Variants in ROBO1 observed in about 807,000 individuals in gnomAD.
ROBO1 encodes roundabout homolog 1.
Under a neutral mutation model 195.9 loss-of-function variants are expected in ROBO1, and 149 were observed. The ratio of observed to expected loss-of-function variants is 0.76; its 90% CI spans 0.67 to 0.87. The LOEUF (loss-of-function observed/expected upper bound fraction) is 0.87, where lower values mean the gene tolerates loss of function less well. ROBO1 is among the 40% of genes least tolerant of loss of function. ROBO1 has a pLI of 0.00. For missense variants in ROBO1, 1,933 were observed against 2,068.3 expected, an observed-to-expected ratio of 0.93 and a Z score of 1.27; for synonymous variants, 816 against 733.2, an observed-to-expected ratio of 1.11 and a Z score of -1.82.
At chr3:78,697,924 C>CT (rs1242453367) in intron 8 of ROBO1, among the ~76,000 whole-genome samples, 2 of 151,964 alleles carry the variant, frequency 1.3e-5, no homozygotes, top group Non-Finnish European at 1.5e-5. Flanking sequence ...AGAACAGCTG[C>CT]TTTTTTTAAT....
intron 2 of ROBO1, among the ~76,000 whole-genome samples, chr3:79,370,406 C>T (rs1001658508): frequency 6.6e-6 from 1 of 151,772 alleles, no homozygotes; most frequent in Non-Finnish European, 1.5e-5. Context: ...TCATGTTATT[C>T]TCCATATATA....
chr3:79,250,215 G>A (rs1169337885), intron 2 of ROBO1, among the ~76,000 whole-genome samples: 1 of 152,092 alleles, frequency 6.6e-6, no homozygotes, highest in Non-Finnish European at 1.5e-5. Context: ...TTAAGTAGAG[G>A]AAATATTAAG....
At chr3:79,709,579 C>T (rs1258865032) in intron 1 of ROBO1, among the ~76,000 whole-genome samples, 1 of 152,036 alleles carries the variant, frequency 6.6e-6, no homozygotes, top group African/African-American at 2.4e-5. Context: ...ATATACATAT[C>T]TGAAGAGATA....
chr3:79,053,766 C>A (rs1039784024), intron 3 of ROBO1, among the ~76,000 whole-genome samples: 1 of 152,200 alleles, frequency 6.6e-6, no homozygotes, highest in Middle Eastern at 3.4e-3. Flanking sequence ...TATGCCAACT[C>A]CATCTCAGAT....
At chr3:78,956,347 G>A (rs1314016471) in intron 3 of ROBO1, among the ~76,000 whole-genome samples, 1 of 151,888 alleles carries the variant, frequency 6.6e-6, no homozygotes, top group South Asian at 2.1e-4. Flanking sequence ...TTTTATTATT[G>A]ATAATATAAT....
chr3:79,344,902 G>GT (rs988502187), intron 2 of ROBO1, among the ~76,000 whole-genome samples: 4 of 151,944 alleles, frequency 2.6e-5, no homozygotes, highest in African/African-American at 9.7e-5. Context: ...ATAAAGAGCA[G>GT]TTTTTTCCTG....
At chr3:78,933,458 A>G (rs2039640541) in intron 4 of ROBO1, among the ~76,000 whole-genome samples, 1 of 152,128 alleles carries the variant, frequency 6.6e-6, no homozygotes, top group Non-Finnish European at 1.5e-5. Flanking sequence ...TGCATGCTAT[A>G]TTTACTTCAA....
chr3:79,341,587 T>G (rs1170720231), intron 2 of ROBO1, among the ~76,000 whole-genome samples: 1 of 152,030 alleles, frequency 6.6e-6, no homozygotes, highest in Non-Finnish European at 1.5e-5. Context: ...CAAGCAATCC[T>G]CCCAAGTTAG....
At chr3:79,054,298 C>T (rs1457806696) in intron 3 of ROBO1, among the ~76,000 whole-genome samples, 1 of 152,088 alleles carries the variant, frequency 6.6e-6, no homozygotes, top group Admixed American at 6.6e-5. Flanking sequence ...TCTTTTACTA[C>T]AGTTAAACAA....
intron 2 of ROBO1, among the ~76,000 whole-genome samples, chr3:79,271,291 C>T (rs1289631834): frequency 6.6e-6 from 1 of 151,706 alleles, no homozygotes; most frequent in Admixed American, 6.6e-5. Flanking sequence ...TTTTCATGTC[C>T]CCTCAGTGTC....
At chr3:79,547,097 A>C (rs1056971839) in intron 2 of ROBO1, among the ~76,000 whole-genome samples, 1 of 139,906 alleles carries the variant, frequency 7.1e-6, no homozygotes, top group African/African-American at 2.6e-5. Context: ...AGGCAGGAGA[A>C]TGGCGTGAAC....
intron 4 of ROBO1, among the ~76,000 whole-genome samples, chr3:78,823,662 T>C (rs937945372): frequency 6.6e-6 from 1 of 152,156 alleles, no homozygotes; most frequent in African/African-American, 2.4e-5. Context: ...TCTTTGAACA[T>C]ACATTGCCCT....
intron 4 of ROBO1, among the ~76,000 whole-genome samples, chr3:78,779,493 A>G (rs1020302853): frequency 2.0e-5 from 3 of 152,248 alleles, no homozygotes; most frequent in African/African-American, 7.2e-5. Context: ...GCAGCCAACA[A>G]ACATATGAAA....
In ROBO1 at chr3:78,673,605, T is replaced by TATACATATATATATATATATATAC. The variant is rs779997525; in HGVS notation, c.1343-3305_1343-3304insGTATATATATATATATATATGTAT. Among the ~76,000 whole-genome samples, 16 of 53,286 alleles carry TATACATATATATATATATATATAC rather than the reference T, an allele frequency of 3.0e-4. 1 individual carries two copies. Among genetic ancestry groups the TATACATATATATATATATATATAC allele is most frequent in the African/African-American group, 1.1e-3 (16 of 14,540 alleles). The allele number at this position is 53,286 out of a possible 152,430, so 35.0% of individuals were successfully genotyped here. A position where few individuals can be genotyped will look rare whatever the true frequency, so the allele number is the denominator to read the frequency against. ...ATATATATATATATATATATATATA[T>TATACATATATATATATATATATAC]ACACACATATATTACAGCAGGGTTA... On this transcript the variant is annotated intron_variant, in intron 10 of 30. Coordinates refer to ENST00000464233, the MANE Select transcript of ROBO1 (RefSeq NM_002941.4).
intron 4 of ROBO1, among the ~76,000 whole-genome samples, chr3:78,798,924 C>T (rs569452100): frequency 6.6e-6 from 1 of 152,180 alleles, no homozygotes; most frequent in South Asian, 2.1e-4. Flanking sequence ...TGGGAAGAGA[C>T]ATTTAGCTTT....
At chr3:79,069,489 A>C (rs1426261922) in intron 3 of ROBO1, among the ~76,000 whole-genome samples, 1 of 151,884 alleles carries the variant, frequency 6.6e-6, no homozygotes, top group Non-Finnish European at 1.5e-5. Flanking sequence ...TCTTCTCTTC[A>C]AAGTATTTGC....
intron 5 of ROBO1, among the ~76,000 whole-genome samples, chr3:78,722,617 C>T (rs1348604346): frequency 6.6e-6 from 1 of 152,080 alleles, no homozygotes; most frequent in Non-Finnish European, 1.5e-5. Context: ...TGTTTTTCTA[C>T]TCAAGGTATT....
intron 9 of ROBO1, among the ~76,000 whole-genome samples, 172 bp from the exon 10 acceptor site, chr3:78,686,089 T>C (rs2081044696): frequency 6.6e-6 from 1 of 152,172 alleles, no homozygotes. Flanking sequence ...TATTCTCCCA[T>C]CACATGCCCA....
At chr3:78,710,408 C>G (rs889146644) in intron 8 of ROBO1, among the ~76,000 whole-genome samples, 1 of 152,124 alleles carries the variant, frequency 6.6e-6, no homozygotes, top group Non-Finnish European at 1.5e-5. Flanking sequence ...ATTAGTACTT[C>G]AGATTCTTCA....
Sources: allele counts gnomAD v4.1 joint callset (sites outside exome capture counted in the v4.1 genomes callset), GRCh38; gene constraint gnomAD v4.1.1; transcripts MANE v1.5; gene names NCBI Gene and HGNC (gene_info 2026-07-23, HGNC 2026-07-21).